The following CDH18 variants were observed in gnomAD, a reference collection of about 807,000 sequenced individuals.
The protein encoded by CDH18 is cadherin 18.
CDH18 carries 31 observed loss-of-function variants against 67.9 expected under a neutral mutation model. That is an observed-to-expected ratio of 0.46 (90% confidence interval 0.34 to 0.62). The LOEUF (loss-of-function observed/expected upper bound fraction) is 0.62, where lower values mean the gene tolerates loss of function less well. CDH18 is among the 20% of genes least tolerant of loss of function. The probability of loss-of-function intolerance (pLI) is 0.01; values close to 1 mark genes in which losing one functional copy is unlikely to be tolerated. For missense variants in CDH18, 890 were observed against 975.5 expected, an observed-to-expected ratio of 0.91 and a Z score of 1.17; for synonymous variants, 362 against 347.2, an observed-to-expected ratio of 1.04 and a Z score of -0.48.
At chr5:20,126,384 C>T (rs975828679) in intron 2 of CDH18, among the ~76,000 whole-genome samples, 1 of 152,108 alleles carries the variant, frequency 6.6e-6, no homozygotes, top group Non-Finnish European at 1.5e-5. Context: ...AAGAAAAAGG[C>T]TTCATGAAGT....
intron 1 of CDH18, among the ~76,000 whole-genome samples, chr5:20,361,922 C>T (rs1742118611): frequency 1.3e-5 from 2 of 152,024 alleles, no homozygotes; most frequent in Non-Finnish European, 2.9e-5. Context: ...GAAAGAATAT[C>T]AGTAAACGTT....
At chr5:19,500,184 G>A (rs1432804352) in intron 11 of CDH18, among the ~76,000 whole-genome samples, 54 of 151,494 alleles carry the variant, frequency 3.6e-4, no homozygotes, top group Admixed American at 3.2e-3. Context: ...TTATTCCACT[G>A]TATTTTCATT....
intron 1 of CDH18, among the ~76,000 whole-genome samples, chr5:20,356,679 AAAT>A (rs1353451064): frequency 6.6e-6 from 1 of 151,266 alleles, no homozygotes; most frequent in Non-Finnish European, 1.5e-5. Flanking sequence ...GGAGATAAAG[AAAT>A]ACAACCAAAC....
At chr5:20,545,289 G>C (rs1757278569) in intron 1 of CDH18, among the ~76,000 whole-genome samples, 1 of 152,152 alleles carries the variant, frequency 6.6e-6, no homozygotes, top group Non-Finnish European at 1.5e-5. Context: ...CATTTCTGGG[G>C]TCTGGAGAAT....
At chr5:19,533,180 A>G (rs1748912028) in intron 9 of CDH18, among the ~76,000 whole-genome samples, 1 of 152,226 alleles carries the variant, frequency 6.6e-6, no homozygotes, top group African/African-American at 2.4e-5. Flanking sequence ...AACAGCATGC[A>G]GAAAGAAGAG....
intron 2 of CDH18, among the ~76,000 whole-genome samples, chr5:20,000,079 G>C (rs923877922): frequency 1.2e-4 from 18 of 151,350 alleles, no homozygotes; most frequent in Non-Finnish European, 1.9e-4. Flanking sequence ...ATATGGTGAG[G>C]GGGTGGGAGG....
chr5:19,656,215 T>G (rs1342911459), intron 5 of CDH18, among the ~76,000 whole-genome samples: 1 of 152,054 alleles, frequency 6.6e-6, no homozygotes. Flanking sequence ...GTATTTTAAC[T>G]GGAATGACTG....
intron 2 of CDH18, among the ~76,000 whole-genome samples, chr5:20,118,151 C>T (rs1189834758): frequency 6.6e-6 from 1 of 152,014 alleles, no homozygotes; most frequent in African/African-American, 2.4e-5. Flanking sequence ...AAGTGCATTA[C>T]ATTAAAAATA....
intron 1 of CDH18, among the ~76,000 whole-genome samples, chr5:20,456,958 A>G (rs561950283): frequency 6.6e-6 from 1 of 152,330 alleles, no homozygotes; most frequent in South Asian, 2.1e-4. Flanking sequence ...GACATTTAGA[A>G]GAGTTCCACA....
At chr5:20,088,189 G>T (rs924415157) in intron 2 of CDH18, among the ~76,000 whole-genome samples, 4 of 152,318 alleles carry the variant, frequency 2.6e-5, no homozygotes, top group Admixed American at 2.6e-4. Flanking sequence ...AATACTGTGT[G>T]TTGAACTCTT....
intron 2 of CDH18, among the ~76,000 whole-genome samples, chr5:19,905,763 TAAAAATCAGAAA>T (rs1790469651): frequency 6.6e-6 from 1 of 151,678 alleles, no homozygotes; most frequent in Admixed American, 6.6e-5. Context: ...AAATCAATTT[TAAAAATCAGAAA>T]AAAAATCAGA....
intron 1 of CDH18, among the ~76,000 whole-genome samples, chr5:20,450,364 T>C (rs1453646406): frequency 1.3e-5 from 2 of 152,060 alleles, no homozygotes; most frequent in Non-Finnish European, 1.5e-5. Context: ...TACATAAAAG[T>C]GTATTGTTCT....
At chr5:20,063,840 A>G in intron 2 of CDH18, among the ~76,000 whole-genome samples, 1 of 152,132 alleles carries the variant, frequency 6.6e-6, no homozygotes, top group South Asian at 2.1e-4. Context: ...GCTAGCCCCA[A>G]ACAAGCACTG....
chr5:19,906,956 T>C (rs1181217152), intron 2 of CDH18, among the ~76,000 whole-genome samples: 1 of 151,956 alleles, frequency 6.6e-6, no homozygotes, highest in South Asian at 2.1e-4. Flanking sequence ...TATAGGTAAA[T>C]AGAGTTTAAT....
intron 2 of CDH18, among the ~76,000 whole-genome samples, chr5:20,151,961 A>G (rs1032393968): frequency 6.6e-6 from 1 of 151,246 alleles, no homozygotes; most frequent in Admixed American, 6.6e-5. Context: ...TGGTAATTAA[A>G]TTGTATTTAC....
At chr5:19,896,744 T>C (rs183537299) in intron 2 of CDH18, among the ~76,000 whole-genome samples, 390 of 152,328 alleles carry the variant, frequency 2.6e-3, no homozygotes, top group African/African-American at 8.5e-3. Context: ...AATAAATACA[T>C]ATGCAAACGA....
chr5:20,096,959 T>C (rs1746040604), intron 2 of CDH18, among the ~76,000 whole-genome samples: 1 of 152,178 alleles, frequency 6.6e-6, no homozygotes, highest in African/African-American at 2.4e-5. Flanking sequence ...TAGATGATAG[T>C]CTTTTATCAT....
At chr5:19,699,501 G>A (rs1762936488) in intron 5 of CDH18, among the ~76,000 whole-genome samples, 1 of 152,076 alleles carries the variant, frequency 6.6e-6, no homozygotes, top group African/African-American at 2.4e-5. Context: ...AGTATTTGTA[G>A]ATGGGGCCTT....
At chr5:20,467,725 TG>T (rs1245074101) in intron 1 of CDH18, among the ~76,000 whole-genome samples, 1 of 152,144 alleles carries the variant, frequency 6.6e-6, no homozygotes, top group African/African-American at 2.4e-5. Context: ...GGATGTGGTA[TG>T]ACAAGGGAAA....
Sources: allele counts gnomAD v4.1 joint callset (sites outside exome capture counted in the v4.1 genomes callset), GRCh38; gene constraint gnomAD v4.1.1; transcripts MANE v1.5; gene names NCBI Gene and HGNC (gene_info 2026-07-23, HGNC 2026-07-21).